Variants in PDE10A observed in about 807,000 individuals in gnomAD.
The protein encoded by PDE10A is cAMP and cAMP-inhibited cGMP 3',5'-cyclic phosphodiesterase 10A.
Under a neutral mutation model 97.7 loss-of-function variants are expected in PDE10A, and 39 were observed. The observed-to-expected ratio is 0.40, with a 90% CI of 0.31 to 0.52. PDE10A has a LOEUF of 0.52. Among genes scored for constraint, PDE10A ranks in the 20% least tolerant of loss-of-function variants. PDE10A has a pLI of 0.56. For missense variants in PDE10A, 731 were observed against 1,047.8 expected (o/e 0.70, Z 4.17); for synonymous variants, 371 against 376.8 (o/e 0.98, Z 0.18).
chr6:165,737,644 A>G (rs961420244), intron 1 of PDE10A, among the ~76,000 whole-genome samples: 4 of 152,232 alleles, frequency 2.6e-5, no homozygotes, highest in African/African-American at 9.6e-5. Flanking sequence ...AGCTCTCAAC[A>G]AGGTGGTATA....
chr6:165,674,342 AAG>A (rs1491077993), intron 1 of PDE10A, among the ~76,000 whole-genome samples: 109 of 151,878 alleles, frequency 7.2e-4, no homozygotes, highest in African/African-American at 2.5e-3. Flanking sequence ...AAAAAAAAAA[AAG>A]GTGTGGTTCT....
At chr6:165,572,690 T>C (rs770109671) in intron 1 of PDE10A, among the ~76,000 whole-genome samples, 1 of 152,178 alleles carries the variant, frequency 6.6e-6, no homozygotes, top group Non-Finnish European at 1.5e-5. Context: ...GTTTGAGCCT[T>C]AGGAGTTTGA....
intron 3 of PDE10A, among the ~76,000 whole-genome samples, chr6:165,465,891 G>A (rs149905572): frequency 1.8e-3 from 278 of 152,254 alleles, no homozygotes; most frequent in Non-Finnish European, 3.3e-3. Context: ...GCATAGTTCC[G>A]AAGTTTAGAG....
intron 13 of PDE10A, among the ~76,000 whole-genome samples, chr6:165,402,408 TG>T (rs1489921271): frequency 6.6e-6 from 1 of 152,142 alleles, no homozygotes; most frequent in Non-Finnish European, 1.5e-5. Context: ...ATTTTCTAAA[TG>T]ACCTTTAATA....
At chr6:165,411,741 T>C (rs1295988885) in intron 13 of PDE10A, among the ~76,000 whole-genome samples, 2 of 152,200 alleles carry the variant, frequency 1.3e-5, no homozygotes, top group Non-Finnish European at 2.9e-5. Flanking sequence ...ATCTGAAACA[T>C]ACTCTCATAT....
At chr6:165,647,662 T>C (rs574917989) in intron 1 of PDE10A, among the ~76,000 whole-genome samples, 65 of 152,306 alleles carry the variant, frequency 4.3e-4, no homozygotes, top group African/African-American at 1.5e-3. Flanking sequence ...TTCCAGAAGC[T>C]GAACTTCCTG....
In PDE10A at chr6:165,608,974, ATTTG is replaced by A. The variant is rs1787361510; in HGVS notation, c.865+52969_865+52972del. 2.0e-5 allele frequency among the ~76,000 whole-genome samples: 3 copies of A among 151,904 alleles called. No homozygotes were observed. The South Asian group carries it at 6.2e-4, about 32-fold the overall frequency. On this transcript the variant is annotated intron_variant, in intron 1 of 21. Transcript: ENST00000539869. ...TGATGGGGTTGTTTTTTTCTTGTAA[ATTTG>A]TTTGAGTTCTTTGTAGATTCTGGAT...
In PDE10A at chr6:165,418,717, TC is replaced by T; in HGVS notation, c.1713del (p.Asn572ThrfsTer27). 1 of 1,613,866 alleles carries T rather than the reference TC, an allele frequency of 6.2e-7. No homozygotes were observed. The highest frequency in any genetic ancestry group is 8.5e-7 in the Non-Finnish European group (1 of 1,179,836). ...AAAAGGTCTGAATATAACTCCTTGT[TC>T]TTATGGTCCACCTGGAAAAGCGCAC... ...DRCALFQVDHKNKELYSDLFD... is the reference protein window; with the variant it reads ...DRCALFQVDHXNKELYSDLFD... On this transcript the variant is annotated frameshift_variant, in exon 11 of 22. Transcript: ENST00000539869. LOFTEE classifies it high-confidence loss of function. The surrounding 1 kb of genome is among the most constrained non-coding windows in gnomAD (Gnocchi z 4.8).
At chr6:165,540,915 T>C (rs367828259) in intron 2 of PDE10A, among the ~76,000 whole-genome samples, 16 of 152,096 alleles carry the variant, frequency 1.1e-4, no homozygotes, top group African/African-American at 3.6e-4. Context: ...TAGGCATAAG[T>C]CACCACGCCC....
chr6:165,899,535 T>G (rs1049269333), intron 1 of PDE10A, among the ~76,000 whole-genome samples: 3 of 152,192 alleles, frequency 2.0e-5, no homozygotes, highest in African/African-American at 7.2e-5. Flanking sequence ...GAGAGATGTT[T>G]TGCAAAAATC....
chr6:165,828,945 T>G (rs996790977), intron 1 of PDE10A, among the ~76,000 whole-genome samples: 1 of 152,228 alleles, frequency 6.6e-6, no homozygotes, highest in African/African-American at 2.4e-5. Flanking sequence ...ATCAAGCTAG[T>G]TAATCAGTAA....
In PDE10A at chr6:165,469,976, T is replaced by A. The variant is rs1778891704; in HGVS notation, c.1023+12339A>T. Among the ~76,000 whole-genome samples, 4 of 152,210 alleles carry A rather than the reference T, an allele frequency of 2.6e-5. No homozygotes were observed. The South Asian group carries it at 8.3e-4, about 31-fold the overall frequency. On this transcript the variant is annotated intron_variant, in intron 3 of 21. Coordinates refer to ENST00000539869, the MANE Select transcript of PDE10A (RefSeq NM_001385079.1). ...CCTCCTTGTGCTTTCCGTTCCACCC[T>A]TGGGTCCCATCACTTTAGCCCTGTG...
intron 1 of PDE10A, among the ~76,000 whole-genome samples, chr6:165,737,415 A>G (rs577731919): frequency 7.2e-5 from 11 of 152,232 alleles, no homozygotes; most frequent in Admixed American, 1.3e-4. Context: ...AACCAAAATT[A>G]GTAGCACATT....
At chr6:165,502,746 G>A (rs924602807) in intron 2 of PDE10A, among the ~76,000 whole-genome samples, 3 of 152,176 alleles carry the variant, frequency 2.0e-5, no homozygotes, top group African/African-American at 7.2e-5. Context: ...GAAAGCAGAC[G>A]CAAATGACTT....
At chr6:165,987,070 A>C (rs1438688435) in intron 1 of PDE10A, among the ~76,000 whole-genome samples, 1 of 151,908 alleles carries the variant, frequency 6.6e-6, no homozygotes, top group Non-Finnish European at 1.5e-5. Flanking sequence ...CTGGCTCGGG[A>C]GGAAGGAAGT....
At chr6:165,866,077 C>T (rs756026408) in intron 1 of PDE10A, among the ~76,000 whole-genome samples, 5 of 152,014 alleles carry the variant, frequency 3.3e-5, no homozygotes, top group Non-Finnish European at 5.9e-5. Context: ...TAAGTCCTCA[C>T]CTACAAATAA....
chr6:165,543,011 C>T (rs1485395327), intron 2 of PDE10A, among the ~76,000 whole-genome samples: 4 of 152,052 alleles, frequency 2.6e-5, no homozygotes, highest in African/African-American at 9.7e-5. Flanking sequence ...ACAGTGCTTT[C>T]CCAATATAAA....
chr6:165,686,497 A>G (rs751016214), intron 1 of PDE10A, among the ~76,000 whole-genome samples: 17 of 152,128 alleles, frequency 1.1e-4, no homozygotes, highest in Non-Finnish European at 2.2e-4. Flanking sequence ...ACTCCCAGAG[A>G]CTAGTTCATG....
At chr6:165,596,197 T>C (rs1786581693) in intron 1 of PDE10A, among the ~76,000 whole-genome samples, 1 of 152,182 alleles carries the variant, frequency 6.6e-6, no homozygotes, top group South Asian at 2.1e-4. Context: ...TCCCACCTTA[T>C]AGCTAATCCA....
Sources: allele counts gnomAD v4.1 joint callset (sites outside exome capture counted in the v4.1 genomes callset), GRCh38; gene constraint gnomAD v4.1.1; non-coding constraint Gnocchi (gnomAD v3.1); transcripts MANE v1.5; gene names NCBI Gene and HGNC (gene_info 2026-07-23, HGNC 2026-07-21).